The following SHISA6 variants were observed in gnomAD, a reference collection of about 807,000 sequenced individuals.
SHISA6 encodes the protein shisa family member 6.
SHISA6 carries 22 observed loss-of-function variants against 47.9 expected under a neutral mutation model. The ratio of observed to expected loss-of-function variants is 0.46; its 90% confidence interval spans 0.33 to 0.66. The LOEUF is 0.66. Among genes scored for constraint, SHISA6 ranks in the 30% least tolerant of loss-of-function variants. SHISA6 has a pLI of 0.02. For synonymous variants in SHISA6, 388 were observed against 337.8 expected (o/e 1.15, Z -1.63); for missense variants, 680 against 764.6 (o/e 0.89, Z 1.30).
intron 3 of SHISA6, among the ~76,000 whole-genome samples, chr17:11,401,226 C>T (rs920454226): frequency 6.6e-5 from 10 of 152,180 alleles, no homozygotes; most frequent in Non-Finnish European, 1.0e-4. Context: ...AATGGGGTCT[C>T]ACTCTGTCAC....
chr17:11,510,882 C>A (rs2071535564), intron 3 of SHISA6, among the ~76,000 whole-genome samples: 1 of 152,174 alleles, frequency 6.6e-6, no homozygotes, highest in Admixed American at 6.6e-5. Context: ...TCGTTTGTAG[C>A]TAAGGATCCA....
chr17:11,493,581 G>GCA (rs34898125), intron 3 of SHISA6, among the ~76,000 whole-genome samples: 21 of 148,862 alleles, frequency 1.4e-4, no homozygotes, highest in African/African-American at 2.2e-4. Context: ...GCGTGCGCGC[G>GCA]CACACACACA....
rs577511544 is a variant in SHISA6 at position 11,534,161 on chromosome 17, T to C, written c.896-17735T>C. ...TGCCTTGCTAATCTTTTTTTTCTTTTTTTTTTTTTTTTTTTTGTATTTTTA... is the reference window on the plus strand; with the variant it reads ...TGCCTTGCTAATCTTTTTTTTCTTTCTTTTTTTTTTTTTTTTGTATTTTTA... On this transcript the variant is annotated intron_variant, in intron 3 of 5. Transcript: ENST00000441885. Among the ~76,000 whole-genome samples the C allele has an allele frequency of 3.2e-3, 394 of 121,960 alleles. 3 individuals carry two copies. Among genetic ancestry groups the C allele is most frequent in the African/African-American group, 0.011 (369 of 32,750 alleles). The allele number at this position is 121,960 out of a possible 152,430, so 80.0% of individuals were successfully genotyped here. A position where few individuals can be genotyped will look rare whatever the true frequency, so the allele number is the denominator to read the frequency against.
intron 3 of SHISA6, among the ~76,000 whole-genome samples, chr17:11,395,300 G>A (rs1913533116): frequency 6.6e-6 from 1 of 151,740 alleles, no homozygotes; most frequent in South Asian, 2.1e-4. Context: ...ACATGTTTAG[G>A]TTTATTTCTA....
At chr17:11,332,550 G>A (rs1464504930) in intron 2 of SHISA6, among the ~76,000 whole-genome samples, 11 of 152,088 alleles carry the variant, frequency 7.2e-5, no homozygotes, top group Non-Finnish European at 1.5e-5. Flanking sequence ...CCCATGATAC[G>A]GGAAGGACGT....
At chr17:11,475,174 T>C (rs1342240021) in intron 3 of SHISA6, among the ~76,000 whole-genome samples, 1 of 152,130 alleles carries the variant, frequency 6.6e-6, no homozygotes, top group Admixed American at 6.5e-5. Context: ...TTAGTACCAG[T>C]TTTTTGTTGT....
intron 2 of SHISA6, among the ~76,000 whole-genome samples, chr17:11,351,611 C>T (rs1232471067): frequency 6.6e-6 from 1 of 152,208 alleles, no homozygotes; most frequent in African/African-American, 2.4e-5. Flanking sequence ...CATTTCATTA[C>T]AGTTGTTTTG....
intron 2 of SHISA6, among the ~76,000 whole-genome samples, chr17:11,335,953 T>C (rs1020007883): frequency 6.6e-6 from 1 of 151,958 alleles, no homozygotes; most frequent in Non-Finnish European, 1.5e-5. Context: ...TCCCAGCACT[T>C]TGGGAGGCCA....
At chr17:11,392,036 C>A (rs1166920908) in intron 3 of SHISA6, among the ~76,000 whole-genome samples, 1 of 152,162 alleles carries the variant, frequency 6.6e-6, no homozygotes, top group Non-Finnish European at 1.5e-5. Context: ...TAGTTCATAC[C>A]TGAAGGCCCT....
At chr17:11,525,502 A>T (rs900025924) in intron 3 of SHISA6, among the ~76,000 whole-genome samples, 1 of 151,800 alleles carries the variant, frequency 6.6e-6, no homozygotes, top group Non-Finnish European at 1.5e-5. Context: ...GCGTGGTGGC[A>T]CATGCCTGTA....
At chr17:11,466,483 G>A (rs1915813030) in intron 3 of SHISA6, among the ~76,000 whole-genome samples, 1 of 152,144 alleles carries the variant, frequency 6.6e-6, no homozygotes, top group South Asian at 2.1e-4. Context: ...GCCATGGAAG[G>A]TAACTTATTC....
intron 3 of SHISA6, among the ~76,000 whole-genome samples, chr17:11,383,149 G>T (rs150597175): frequency 0.035 from 5,320 of 152,024 alleles, 170 homozygotes; most frequent in Admixed American, 0.09. Context: ...TGTTGGCCAG[G>T]CTGGTCTCAA....
rs191811312 is a variant in SHISA6 at position 11,264,186 on chromosome 17, T to A, written c.799+660T>A. On this transcript the variant is annotated intron_variant, in intron 2 of 5. Coordinates refer to ENST00000441885, the MANE Select transcript of SHISA6 (RefSeq NM_207386.4). ...AGGTCACTGAGATGTTAATAATAAT[T>A]TAAAAATCAGTAATAACAGTAATAT... Among the ~76,000 whole-genome samples the A allele has an allele frequency of 3.5e-3, 526 of 152,272 alleles. 4 individuals are homozygous for A. The highest frequency in any genetic ancestry group is 6.5e-3 in the Non-Finnish European group (439 of 68,018).
chr17:11,485,671 G>A (rs942503254), intron 3 of SHISA6, among the ~76,000 whole-genome samples: 1 of 139,916 alleles, frequency 7.1e-6, no homozygotes, highest in Non-Finnish European at 1.6e-5. Flanking sequence ...ATGAGGATTG[G>A]AGTTGGCCCC....
intron 2 of SHISA6, among the ~76,000 whole-genome samples, chr17:11,331,469 A>T (rs922629224): frequency 3.9e-5 from 6 of 152,136 alleles, no homozygotes; most frequent in African/African-American, 1.4e-4. Flanking sequence ...TGTTTTTGAG[A>T]GGTATGTCTG....
chr17:11,428,689 C>T lies in SHISA6; in HGVS notation c.895+49180C>T, dbSNP rs529866034. On this transcript the variant is annotated intron_variant, in intron 3 of 5. Coordinates refer to ENST00000441885, the MANE Select transcript of SHISA6 (RefSeq NM_207386.4). ...AATCTGGATATGGATTAGCTGTGTGCCTTTGGATCATGGTTTCCCACAGGG... is the reference window on the plus strand; with the variant it reads ...AATCTGGATATGGATTAGCTGTGTGTCTTTGGATCATGGTTTCCCACAGGG... Among the ~76,000 whole-genome samples the T allele has an allele frequency of 1.0e-3, 154 of 152,072 alleles. 1 individual carries two copies. Among genetic ancestry groups the T allele is most frequent in the African/African-American group, 3.6e-3 (151 of 41,478 alleles).
intron 3 of SHISA6, among the ~76,000 whole-genome samples, chr17:11,418,826 T>C (rs1327813803): frequency 6.6e-6 from 1 of 152,216 alleles, no homozygotes. Flanking sequence ...CTTTCTTAGT[T>C]ACTTGGGTCT....
chr17:11,462,702 A>T (rs1190059531), intron 3 of SHISA6, among the ~76,000 whole-genome samples: 1 of 152,200 alleles, frequency 6.6e-6, no homozygotes, highest in East Asian at 1.9e-4. Context: ...ATCTCGGCTC[A>T]CTGCACCCTC....
At chr17:11,404,736 G>A (rs191114962) in intron 3 of SHISA6, among the ~76,000 whole-genome samples, 58 of 152,280 alleles carry the variant, frequency 3.8e-4, no homozygotes, top group Non-Finnish European at 5.3e-4. Context: ...TTTAAACTCC[G>A]CGCCTTGACT....
Sources: allele counts gnomAD v4.1 joint callset (sites outside exome capture counted in the v4.1 genomes callset), GRCh38; gene constraint gnomAD v4.1.1; transcripts MANE v1.5; gene names NCBI Gene and HGNC (gene_info 2026-07-23, HGNC 2026-07-21).